Variants in MYO9A observed in about 807,000 individuals in gnomAD.
The protein encoded by MYO9A is myosin IXA.
Under a neutral mutation model 293.3 loss-of-function variants are expected in MYO9A, and 103 were observed. The ratio of observed to expected loss-of-function variants is 0.35; its 90% CI spans 0.30 to 0.41. The LOEUF (loss-of-function observed/expected upper bound fraction) is 0.41, where lower values mean the gene tolerates loss of function less well. Among genes scored for constraint, MYO9A ranks in the 10% least tolerant of loss-of-function variants. MYO9A has a pLI of 1.00. For missense variants in MYO9A, 2,685 were observed against 3,033.0 expected, an observed-to-expected ratio of 0.89 and a Z score of 2.69; for synonymous variants, 1,001 against 1,035.7, an observed-to-expected ratio of 0.97 and a Z score of 0.64.
At chr15:72,020,237 A>T (rs1596394682) in intron 5 of MYO9A, among the ~76,000 whole-genome samples, 2 of 152,312 alleles carry the variant, frequency 1.3e-5, no homozygotes, top group East Asian at 3.9e-4. Flanking sequence ...TAAATGACCT[A>T]TTGTTTTACT....
intron 1 of MYO9A, among the ~76,000 whole-genome samples, chr15:72,097,478 A>T (rs1200993786): frequency 6.6e-6 from 1 of 152,226 alleles, no homozygotes; most frequent in African/African-American, 2.4e-5. Flanking sequence ...TATAAACATA[A>T]GTCTTATACG....
intron 16 of MYO9A, among the ~76,000 whole-genome samples, chr15:71,936,180 T>C (rs1357108695): frequency 6.6e-6 from 1 of 151,956 alleles, no homozygotes; most frequent in Non-Finnish European, 1.5e-5. Flanking sequence ...TGGACAAACA[T>C]AGAGTACATT....
At chr15:71,980,161 GCT>G (rs1304274439) in intron 11 of MYO9A, among the ~76,000 whole-genome samples, 2 of 152,046 alleles carry the variant, frequency 1.3e-5, no homozygotes, top group Non-Finnish European at 2.9e-5. Context: ...GATAGACACT[GCT>G]CTTAATTCTA....
chr15:71,940,121 T>C (rs1160224118), intron 15 of MYO9A, among the ~76,000 whole-genome samples: 1 of 152,202 alleles, frequency 6.6e-6, no homozygotes, highest in Non-Finnish European at 1.5e-5. Context: ...GTCAACACTA[T>C]ATCCACATGA....
chr15:71,881,945 T>C (rs1201887393), intron 28 of MYO9A, among the ~76,000 whole-genome samples: 2 of 152,198 alleles, frequency 1.3e-5, no homozygotes, highest in Admixed American at 6.5e-5. Context: ...CCTGTAGTAT[T>C]CATTTAACTT....
intron 1 of MYO9A, among the ~76,000 whole-genome samples, chr15:72,106,825 A>G (rs1045737772): frequency 6.6e-6 from 1 of 152,214 alleles, no homozygotes. Context: ...ACCTAACTGC[A>G]TATTAAACTG....
Position 72,045,786 on chromosome 15 carries a change from T to G in MYO9A, c.778A>C (p.Ser260Arg), listed in dbSNP as rs1314109267. 2 of 1,614,036 alleles carry G rather than the reference T, an allele frequency of 1.2e-6. No individual in the cohort carries two copies. The highest frequency in any genetic ancestry group is 8.5e-7 in the Non-Finnish European group (1 of 1,180,002). The change falls in exon 2 of 42, where the codon AGT (serine) becomes CGT (arginine). Residue 260 changes from serine to arginine, a missense_variant. Transcript: ENST00000356056. ...ACTCCACTGGCAAATCCTTTCTGAC[T>G]GAGAGCAGTAAGGTGGTGAATAAGA... is the stretch of plus-strand genomic sequence containing the variant. The part of the protein sequence containing the change: ...NFLIHHLTAL[S>R]QKGFASGVEQ...
At chr15:72,014,528 A>G (rs1194414678) in intron 6 of MYO9A, among the ~76,000 whole-genome samples, 2 of 152,126 alleles carry the variant, frequency 1.3e-5, no homozygotes, top group African/African-American at 2.4e-5. Flanking sequence ...TCTACTAAAA[A>G]TACAAAAATT....
intron 4 of MYO9A, among the ~76,000 whole-genome samples, chr15:72,021,588 ACT>A: frequency 6.6e-6 from 1 of 152,102 alleles, no homozygotes; most frequent in East Asian, 1.9e-4. Flanking sequence ...TTCAAGGCTG[ACT>A]CTACAAGATT....
In MYO9A at chr15:71,903,978, T is replaced by A. The variant is rs756848707; in HGVS notation, c.2828A>T (p.Glu943Val). The change falls in exon 21 of 42, where the codon GAA becomes GTA. Residue 943 changes from glutamate to valine, a missense_variant. Glu to Val is a moderately radical substitution (Grantham distance 121). Coordinates refer to ENST00000356056, the MANE Select transcript of MYO9A (RefSeq NM_006901.4). ...TCCTGATTGGCGAATTCGAACTGTTTCCAGCATCCCGGTGTATCGAAGCTG... is the reference window on the plus strand; with the variant it reads ...TCCTGATTGGCGAATTCGAACTGTTACCAGCATCCCGGTGTATCGAAGCTG... ...LRQLRYTGML[E>V]TVRIRQSGYS... 6.2e-7 allele frequency: 1 copy of A among 1,614,134 alleles called. No homozygotes were observed. Among genetic ancestry groups the A allele is most frequent in the South Asian group, 1.1e-5 (1 of 91,070 alleles).
chr15:72,109,187 G>A (rs566514536), intron 1 of MYO9A, among the ~76,000 whole-genome samples: 13 of 151,870 alleles, frequency 8.6e-5, no homozygotes, highest in Admixed American at 3.3e-4. Context: ...TCAGGAGGTC[G>A]AGACCATCCT....
chr15:71,905,203 T>C (rs2057594666), intron 19 of MYO9A, among the ~76,000 whole-genome samples, 197 bp from the exon 20 acceptor site: 1 of 152,002 alleles, frequency 6.6e-6, no homozygotes, highest in Non-Finnish European at 1.5e-5. Context: ...GGTAGTTTAA[T>C]ATTAAAGCAG....
Position 71,901,213 on chromosome 15 carries a change from C to G in MYO9A, c.3128G>C (p.Arg1043Thr). Residue 1043 changes from arginine (R) to threonine (T), a missense_variant, in exon 23 of 42, where the codon AGA (arginine) becomes ACA (threonine). Physicochemically the swap from Arg to Thr is moderately conservative, Grantham distance 71. Transcript: ENST00000356056. Reference sequence around the variant, plus strand: ...CACCTGGATAATAACAGATGCTTGTCTCAGATGGAGGAAATGCTGCCTACA... The same window carrying G: ...CACCTGGATAATAACAGATGCTTGTGTCAGATGGAGGAAATGCTGCCTACA... ...LLCRQHFLHL[R>T]QASVIIQRFW... 1 of 1,612,786 alleles carries G rather than the reference C, an allele frequency of 6.2e-7. No individual in the cohort carries two copies. The highest frequency in any genetic ancestry group is 2.2e-5 in the East Asian group (1 of 44,778).
In MYO9A at chr15:71,898,299, T is replaced by C. The variant is rs1455958151; in HGVS notation, c.4204A>G (p.Ile1402Val). Residue 1402 changes from isoleucine to valine, a missense_variant, in exon 25 of 42, where the codon ATT (isoleucine) becomes GTT (valine). Physicochemically the swap from Ile to Val is conservative, Grantham distance 29. Around this residue, in one of 10 missense-constraint regions of MYO9A, gnomAD observed 1,434 missense variants for 1,497.7 expected, o/e 0.96. Coordinates refer to ENST00000356056, the MANE Select transcript of MYO9A (RefSeq NM_006901.4). ...TCTTTCAGCTGTGGTTTACAGGTAA[T>C]AGACTCAGAACTGCAGACCACCATT... is the stretch of plus-strand genomic sequence containing the variant. The part of the protein sequence containing the change: ...KEMVVCSSES[I>V]TCKPQLKDSF... 3 of 1,613,964 alleles carry C rather than the reference T, an allele frequency of 1.9e-6. No homozygotes were observed. The highest frequency in any genetic ancestry group is 2.7e-5 in the African/African-American group (2 of 74,920).
At chr15:72,075,138 A>AT (rs768104849) in intron 1 of MYO9A, among the ~76,000 whole-genome samples, 45 of 151,388 alleles carry the variant, frequency 3.0e-4, no homozygotes, top group Non-Finnish European at 5.5e-4. Context: ...CTAATTTTGT[A>AT]TTTTTTTAGT....
chr15:72,066,016 T>C (rs1052168329), intron 1 of MYO9A, among the ~76,000 whole-genome samples: 5 of 152,256 alleles, frequency 3.3e-5, no homozygotes, highest in African/African-American at 1.2e-4. Context: ...CTTGAACAAC[T>C]GGATATGACT....
At chr15:71,911,457 C>T (rs142516844) in intron 19 of MYO9A, among the ~76,000 whole-genome samples, 3 of 152,100 alleles carry the variant, frequency 2.0e-5, no homozygotes, top group South Asian at 4.1e-4. Flanking sequence ...TAGGTTTCAC[C>T]GCTTGAAGAA....
In MYO9A at chr15:71,913,195, A is replaced by C. The variant is rs1471242678; in HGVS notation, c.2685+3175T>G. 3.3e-5 allele frequency among the ~76,000 whole-genome samples: 5 copies of C among 152,228 alleles called. No individual in the cohort carries two copies. In the East Asian group the frequency reaches 5.8e-4, roughly 18 times the overall value. On this transcript the variant is annotated intron_variant, in intron 19 of 41. Transcript: ENST00000356056. ...ATCTTTGTTGCTTTCTCTGGGCTTT[A>C]ATAAACTATGACTTCAAATGTACTA...
At chr15:72,099,805 G>A (rs932449294) in intron 1 of MYO9A, among the ~76,000 whole-genome samples, 7 of 146,018 alleles carry the variant, frequency 4.8e-5, no homozygotes, top group African/African-American at 1.5e-4. Flanking sequence ...AGGAGGCTGA[G>A]ACAGGAGAAC....
Sources: gnomAD v4.1 joint callset for allele counts (sites outside exome capture counted in the v4.1 genomes callset) on GRCh38, gnomAD v4.1.1 for gene constraint, gnomAD v4.1.1 regional missense constraint, MANE v1.5 for transcripts, NCBI Gene and HGNC (gene_info 2026-07-23, HGNC 2026-07-21) for gene names.